RYR2: variants seen among roughly 807,000 people sequenced by gnomAD.
The protein encoded by RYR2 is ryanodine receptor 2, also known as cardiac muscle ryanodine receptor-calcium release channel.
In RYR2, 227 loss-of-function variants were observed where a neutral mutation model predicts 601.1. That is an observed-to-expected ratio of 0.38 (90% CI 0.34 to 0.42). The LOEUF is 0.42. RYR2 is among the 10% of genes least tolerant of loss of function. RYR2 has a pLI of 1.00. For synonymous variants in RYR2, 2,223 were observed against 2,175.1 expected (o/e 1.02, Z -0.61); for missense variants, 4,646 against 6,156.5 (o/e 0.75, Z 8.21).
intron 1 of RYR2, among the ~76,000 whole-genome samples, chr1:237,083,385 C>T (rs544134847): frequency 1.3e-5 from 2 of 152,244 alleles, no homozygotes; most frequent in African/African-American, 4.8e-5. Flanking sequence ...GCCAGGTAAC[C>T]CTCCCTCAGC....
In RYR2 at chr1:237,660,410, T is replaced by C. The variant is rs118175688; in HGVS notation, c.8298+336T>C. Among the ~76,000 whole-genome samples, 286 of 152,298 alleles carry C rather than the reference T, an allele frequency of 1.9e-3. 8 individuals are homozygous for C. The East Asian group carries it at 0.048, about 25-fold the overall frequency. On this transcript the variant is annotated intron_variant, in intron 55 of 104. Transcript: ENST00000366574. ...GAGTGATGACAAAGTAATAATGTGCTTATTATGTATAGATTTTCATATATT... is the reference window on the plus strand; with the variant it reads ...GAGTGATGACAAAGTAATAATGTGCCTATTATGTATAGATTTTCATATATT...
At chr1:237,676,539 T>C (rs1340642355) in intron 60 of RYR2, among the ~76,000 whole-genome samples, 1 of 152,154 alleles carries the variant, frequency 6.6e-6, no homozygotes, top group Non-Finnish European at 1.5e-5. Flanking sequence ...TCAGATGGCT[T>C]GGCCAGGGCA....
Position 237,388,136 on chromosome 1 carries a change from C to T in RYR2, c.726C>T (p.Asp242=), listed in dbSNP as rs76380341. ...TCAGGTTGCTGCATGGACACATGGA[C>T]GAGTGTCTCACTGTCCCTTCAGGAG... ...DVLRLLHGHM[D]ECLTVPSGEH... The change falls in exon 10 of 105, where the codon GAC becomes GAT. Residue 242 remains aspartate (D), a synonymous_variant. Transcript: ENST00000366574. The T allele has an allele frequency of 2.2e-4, 362 of 1,613,906 alleles. 3 individuals are homozygous for T. In the African/African-American group the frequency reaches 3.6e-3, roughly 16 times the overall value.
intron 24 of RYR2, among the ~76,000 whole-genome samples, chr1:237,514,001 A>G (rs939433852): frequency 2.0e-5 from 3 of 152,224 alleles, no homozygotes; most frequent in Admixed American, 2.0e-4. Flanking sequence ...TTGAGAACCT[A>G]AAGGTTAAAA....
In RYR2 at chr1:237,668,504, G is replaced by A. The variant is rs79900715; in HGVS notation, c.8590+546G>A. Reference sequence around the variant, plus strand: ...TATCTTTCAACATTATTTATTTGCCGTTAGTCTATACACATATTGTTTATA... The same window carrying A: ...TATCTTTCAACATTATTTATTTGCCATTAGTCTATACACATATTGTTTATA... On this transcript the variant is annotated intron_variant, in intron 58 of 104. Coordinates refer to ENST00000366574, the MANE Select transcript of RYR2 (RefSeq NM_001035.3). 7.4e-4 allele frequency among the ~76,000 whole-genome samples: 112 copies of A among 152,242 alleles called. No individual in the cohort carries two copies. The East Asian group carries it at 7.7e-3, about 10-fold the overall frequency.
chr1:237,785,710 A>G (rs1480874025), intron 90 of RYR2, among the ~76,000 whole-genome samples: 1 of 1,520 alleles, frequency 6.6e-4, no homozygotes, highest in Non-Finnish European at 1.2e-3. Context: ...AAGATAAAGA[A>G]GGATATTTCT....
At chr1:237,637,253 C>A (rs1680972530) in intron 44 of RYR2, among the ~76,000 whole-genome samples, 1 of 152,182 alleles carries the variant, frequency 6.6e-6, no homozygotes, top group African/African-American at 2.4e-5. Flanking sequence ...ACTGATTTAA[C>A]TTAAGCTGGA....
intron 2 of RYR2, among the ~76,000 whole-genome samples, chr1:237,274,411 TA>T (rs985509600): frequency 7.0e-6 from 1 of 143,754 alleles, no homozygotes; most frequent in Non-Finnish European, 1.5e-5. Context: ...GTTTAAAAAG[TA>T]AAAAAAAATT....
chr1:237,721,459 G>A (rs74350576), intron 73 of RYR2, among the ~76,000 whole-genome samples: 7,582 of 152,154 alleles, frequency 0.05, 596 homozygotes, highest in African/African-American at 0.17. Flanking sequence ...ATAACATTCA[G>A]TCTCCCATTT....
At chr1:237,708,143 G>A (rs891887030) in intron 68 of RYR2, among the ~76,000 whole-genome samples, 1 of 151,562 alleles carries the variant, frequency 6.6e-6, no homozygotes, top group African/African-American at 2.4e-5. Flanking sequence ...TATTATGAAG[G>A]GAAAAATGGA....
At chr1:237,463,878 G>A (rs781616270) in intron 16 of RYR2, among the ~76,000 whole-genome samples, 5 of 152,120 alleles carry the variant, frequency 3.3e-5, no homozygotes, top group Admixed American at 6.6e-5. Flanking sequence ...ATGGTTTTCC[G>A]TTTTATTTTT....
At chr1:237,524,696 A>ATG (rs539561084) in intron 24 of RYR2, among the ~76,000 whole-genome samples, 176 of 151,556 alleles carry the variant, frequency 1.2e-3, no homozygotes, top group South Asian at 1.7e-3. Context: ...GGGTGTATGT[A>ATG]TGTGTGTGTG....
intron 2 of RYR2, among the ~76,000 whole-genome samples, chr1:237,326,139 T>G (rs1233649860): frequency 6.6e-6 from 1 of 152,176 alleles, no homozygotes; most frequent in East Asian, 1.9e-4. Context: ...GTTGGAAACC[T>G]AATTGATTTT....
At chr1:237,223,908 G>A (rs1311929805) in intron 1 of RYR2, among the ~76,000 whole-genome samples, 6 of 152,208 alleles carry the variant, frequency 3.9e-5, no homozygotes, top group African/African-American at 1.2e-4. Context: ...TCAGGTGACA[G>A]TGCCCACAAT....
chr1:237,716,799 A>G (rs1168194816), intron 71 of RYR2, among the ~76,000 whole-genome samples: 4 of 152,062 alleles, frequency 2.6e-5, no homozygotes, highest in Admixed American at 6.6e-5. Flanking sequence ...ACATGTATAT[A>G]TATTTCAAAG....
chr1:237,321,225 T>TA (rs56163135), intron 2 of RYR2, among the ~76,000 whole-genome samples: 46,261 of 151,878 alleles, frequency 0.3, 7,286 homozygotes, highest in South Asian at 0.36. Context: ...AGAGGACCCT[T>TA]AAAAAGTGAT....
At chr1:237,442,773 C>G (rs1182322645) in intron 13 of RYR2, among the ~76,000 whole-genome samples, 1 of 152,078 alleles carries the variant, frequency 6.6e-6, no homozygotes, top group Non-Finnish European at 1.5e-5. Flanking sequence ...TGCCTATGCT[C>G]TTGGTAATTC....
chr1:237,111,345 T>A (rs933229587), intron 1 of RYR2, among the ~76,000 whole-genome samples: 5 of 152,128 alleles, frequency 3.3e-5, no homozygotes, highest in Non-Finnish European at 7.4e-5. Flanking sequence ...ATACCCTTAT[T>A]GGGAGGCCAA....
At chr1:237,631,875 G>A (rs1049538652) in intron 42 of RYR2, among the ~76,000 whole-genome samples, 24 of 49,624 alleles carry the variant, frequency 4.8e-4, no homozygotes, top group African/African-American at 1.2e-3. Flanking sequence ...TGATCCGCCC[G>A]CCTTGGCCTC....
Sources: allele counts gnomAD v4.1 joint callset (sites outside exome capture counted in the v4.1 genomes callset), GRCh38; gene constraint gnomAD v4.1.1; transcripts MANE v1.5; gene names NCBI Gene and HGNC (gene_info 2026-07-23, HGNC 2026-07-21).